Variants in PTPRK observed in about 807,000 individuals in gnomAD.
PTPRK encodes the protein protein tyrosine phosphatase receptor type K, also known as receptor-type tyrosine-protein phosphatase kappa.
Under a neutral mutation model 178.0 loss-of-function variants are expected in PTPRK, and 75 were observed. That is an observed-to-expected ratio of 0.42 (90% CI 0.35 to 0.51). The LOEUF is 0.51. Ranked by LOEUF, PTPRK falls within the 20% of genes least tolerant of loss-of-function variation. The pLI, the probability that PTPRK is intolerant of heterozygous loss-of-function variation, is 0.02. For synonymous variants in PTPRK, 637 were observed against 620.6 expected, an observed-to-expected ratio of 1.03 and a Z score of -0.39; for missense variants, 1,441 against 1,797.8, an observed-to-expected ratio of 0.80 and a Z score of 3.59.
At chr6:128,195,137 T>C (rs1272470187) in intron 6 of PTPRK, among the ~76,000 whole-genome samples, 1 of 151,684 alleles carries the variant, frequency 6.6e-6, no homozygotes, top group Non-Finnish European at 1.5e-5. Flanking sequence ...ATTTGTAAAA[T>C]GTCATCAGCC....
intron 13 of PTPRK, among the ~76,000 whole-genome samples, chr6:128,015,542 A>G (rs2064388): frequency 0.91 from 138,037 of 151,632 alleles, 62,913 homozygotes; most frequent in East Asian, 1. Context: ...CCTACATATT[A>G]CTAGTTGGAT....
chr6:128,002,451 G>T (rs1328737532), intron 15 of PTPRK, among the ~76,000 whole-genome samples: 1 of 151,848 alleles, frequency 6.6e-6, no homozygotes, highest in Non-Finnish European at 1.5e-5. Context: ...CTAATCATTG[G>T]TGTATAATTA....
chr6:128,141,850 C>G (rs1297425635), intron 7 of PTPRK, among the ~76,000 whole-genome samples: 3 of 151,778 alleles, frequency 2.0e-5, no homozygotes, highest in East Asian at 3.9e-4. Flanking sequence ...CATATAGAAG[C>G]CAGAAGAATA....
At chr6:128,394,220 T>C (rs1353225691) in intron 2 of PTPRK, among the ~76,000 whole-genome samples, 1 of 152,228 alleles carries the variant, frequency 6.6e-6, no homozygotes, top group Non-Finnish European at 1.5e-5. Flanking sequence ...TTATTTGCAG[T>C]ACAATATTTC....
chr6:128,085,962 T>C (rs1393099927), intron 8 of PTPRK, among the ~76,000 whole-genome samples: 1 of 152,220 alleles, frequency 6.6e-6, no homozygotes, highest in African/African-American at 2.4e-5. Flanking sequence ...AGGAAGATCA[T>C]GTGTACAATT....
intron 3 of PTPRK, among the ~76,000 whole-genome samples, chr6:128,291,271 G>T (rs1823341707): frequency 1.3e-5 from 2 of 152,098 alleles, no homozygotes; most frequent in Non-Finnish European, 2.9e-5. Context: ...GCTAAGGAAG[G>T]TGGGTAGATG....
At position 128,216,858 on chromosome 6, in the gene PTPRK, C is replaced by G. The variant is rs543592508; in HGVS notation, c.868+2064G>C. On this transcript the variant is annotated intron_variant, in intron 6 of 29. Coordinates refer to ENST00000368226, the MANE Select transcript of PTPRK (RefSeq NM_002844.4). ...AAAGCATAAACAGGTCTTCTACAAT[C>G]TTTTGAGAAATACATCAAGAGTGAC... Among the ~76,000 whole-genome samples the G allele has an allele frequency of 2.0e-5, 3 of 152,192 alleles. No homozygotes were observed. In the South Asian group the frequency reaches 6.2e-4, roughly 32 times the overall value.
At chr6:128,420,351 C>T (rs909948576) in intron 1 of PTPRK, among the ~76,000 whole-genome samples, 1 of 152,216 alleles carries the variant, frequency 6.6e-6, no homozygotes, top group Non-Finnish European at 1.5e-5. Flanking sequence ...ATTATTTGCA[C>T]AATTTTGCCT....
intron 13 of PTPRK, among the ~76,000 whole-genome samples, chr6:128,042,801 CTATT>C (rs1195306168): frequency 6.6e-6 from 1 of 151,986 alleles, no homozygotes; most frequent in Non-Finnish European, 1.5e-5. Context: ...AATAACTTAT[CTATT>C]TGATAAAATA....
chr6:128,482,403 C>T (rs1334836525), intron 1 of PTPRK, among the ~76,000 whole-genome samples: 1 of 152,026 alleles, frequency 6.6e-6, no homozygotes, highest in Admixed American at 6.6e-5. Context: ...AAAATCCTGC[C>T]TATGAATGAG....
intron 3 of PTPRK, among the ~76,000 whole-genome samples, chr6:128,317,850 C>T (rs895408063): frequency 2.0e-5 from 3 of 152,150 alleles, no homozygotes; most frequent in East Asian, 1.9e-4. Flanking sequence ...AGAACTGTGT[C>T]GCATATAGCC....
intron 5 of PTPRK, among the ~76,000 whole-genome samples, chr6:128,237,365 A>C (rs1307176212): frequency 6.6e-6 from 1 of 152,156 alleles, no homozygotes; most frequent in East Asian, 1.9e-4. Flanking sequence ...GTGACCTTTC[A>C]TTGAGTGCTT....
chr6:128,085,023 G>A (rs1431132286), intron 8 of PTPRK: 1 of 152,092 alleles, frequency 6.6e-6, no homozygotes, highest in Non-Finnish European at 1.5e-5. Flanking sequence ...GTGGCTAGGA[G>A]CATCAAGAAA....
At chr6:128,189,664 T>C (rs528181731) in intron 6 of PTPRK, among the ~76,000 whole-genome samples, 1 of 152,198 alleles carries the variant, frequency 6.6e-6, no homozygotes, top group Non-Finnish European at 1.5e-5. Flanking sequence ...AGATGGAATT[T>C]TTTTTATTTG....
intron 14 of PTPRK, among the ~76,000 whole-genome samples, chr6:128,006,554 T>C (rs1359936577): frequency 6.6e-6 from 1 of 151,026 alleles, no homozygotes; most frequent in African/African-American, 2.4e-5. Flanking sequence ...TACATAGGTA[T>C]ATACATATGT....
intron 7 of PTPRK, among the ~76,000 whole-genome samples, chr6:128,124,007 C>G (rs1235563622): frequency 4.6e-5 from 7 of 151,878 alleles, no homozygotes; most frequent in African/African-American, 1.5e-4. Flanking sequence ...TAGAGCCCAC[C>G]TAGATAGTTC....
At chr6:128,246,794 A>G (rs1359640204) in intron 3 of PTPRK, among the ~76,000 whole-genome samples, 1 of 152,236 alleles carries the variant, frequency 6.6e-6, no homozygotes, top group Non-Finnish European at 1.5e-5. Flanking sequence ...CAGAATGAAC[A>G]GGCTCTGCTT....
intron 1 of PTPRK, among the ~76,000 whole-genome samples, chr6:128,476,544 CT>C (rs1851397520): frequency 1.3e-5 from 2 of 151,902 alleles, no homozygotes; most frequent in Admixed American, 6.6e-5. Flanking sequence ...AAACATGAAT[CT>C]TTAGAAATAA....
intron 2 of PTPRK, among the ~76,000 whole-genome samples, chr6:128,331,322 C>T (rs542275860): frequency 6.6e-6 from 1 of 152,240 alleles, no homozygotes; most frequent in African/African-American, 2.4e-5. Context: ...GTCTGTGCAT[C>T]CCCAAAACCC....
Sources: gnomAD v4.1 joint callset for allele counts (sites outside exome capture counted in the v4.1 genomes callset) on GRCh38, gnomAD v4.1.1 for gene constraint, MANE v1.5 for transcripts, NCBI Gene and HGNC (gene_info 2026-07-23, HGNC 2026-07-21) for gene names.